Variants in GOLGB1 observed in about 807,000 individuals in gnomAD.
GOLGB1 encodes golgin B1.
GOLGB1 carries 174 observed loss-of-function variants against 336.9 expected under a neutral mutation model. The observed-to-expected ratio is 0.52, with a 90% confidence interval of 0.46 to 0.59. The LOEUF (loss-of-function observed/expected upper bound fraction) is 0.59, where lower values mean the gene tolerates loss of function less well. Among genes scored for constraint, GOLGB1 ranks in the 20% least tolerant of loss-of-function variants. The pLI is 0.00. For synonymous variants in GOLGB1, 1,208 were observed against 1,289.2 expected (o/e 0.94, Z 1.35); for missense variants, 3,331 against 3,645.3 (o/e 0.91, Z 2.22).
In GOLGB1 at chr3:121,694,548, C is replaced by T. The variant is rs111753163; in HGVS notation, c.5975G>A (p.Arg1992Gln). 8.2e-4 allele frequency: 1,326 copies of T among 1,612,562 alleles called. 5 individuals carry two copies. In the African/African-American group the frequency reaches 0.011, roughly 14 times the overall value. Residue 1992 changes from arginine (R) to glutamine (Q), a missense_variant, in exon 13 of 22, where the codon CGA becomes CAA. Transcript: ENST00000614479. ...TTGTATTTTCTCCAAATATTCCTTTCGTATTTCTGATTCCACCTTAGTTTT... is the reference window on the plus strand; with the variant it reads ...TTGTATTTTCTCCAAATATTCCTTTTGTATTTCTGATTCCACCTTAGTTTT... ...KEKTKVESEIRKEYLEKIQGA... is the reference protein window; with the variant it reads ...KEKTKVESEIQKEYLEKIQGA...
rs763994823 is a variant in GOLGB1, at chr3:121,699,928, G to A, written c.1520-43C>T. 16 of 1,169,316 alleles carry A rather than the reference G, an allele frequency of 1.4e-5. No homozygotes were observed. In the Admixed American group the frequency reaches 2.7e-4, roughly 20 times the overall value. 72.4% of individuals were successfully genotyped at this position (1,169,316 alleles called of 1,614,324 possible). ...AATATCTTTAGAAGATATATGTGGA[G>A]TGTGTGAAAAAACAGGATTGCATGT... On this transcript the variant is annotated intron_variant, in intron 11 of 21. Transcript: ENST00000614479.
In GOLGB1 at chr3:121,691,912, G is replaced by C. The variant is rs752900416; in HGVS notation, c.7452C>G (p.Asp2484Glu). The C allele has an allele frequency of 1.9e-6, 3 of 1,614,024 alleles. No individual in the cohort carries two copies. Among genetic ancestry groups the C allele is most frequent in the South Asian group, 1.1e-5 (1 of 91,078 alleles). Residue 2484 changes from aspartate to glutamate, a missense_variant, in exon 14 of 22, where the codon GAC becomes GAG. Asp to Glu is a conservative substitution (Grantham distance 45, BLOSUM62 2). Coordinates refer to ENST00000614479, the MANE Select transcript of GOLGB1 (RefSeq NM_001366282.2). ...GATGTCGCTCTTCCAGCTGTTGATA[G>C]TCACCCACTATGCGGTCTCGATCAT... is the stretch of plus-strand genomic sequence containing the variant. ...LQNDRDRIVG[D>E]YQQLEERHLS...
chr3:121,723,840 A>C (rs1198995515), intron 5 of GOLGB1, among the ~76,000 whole-genome samples: 1 of 152,162 alleles, frequency 6.6e-6, no homozygotes, highest in Non-Finnish European at 1.5e-5. Context: ...CCTCCTTCCA[A>C]ATAGAGGTTT....
chr3:121,691,851 C>T lies in GOLGB1; in HGVS notation c.7513G>A (p.Glu2505Lys), dbSNP rs746165580. The change falls in exon 14 of 22, where the codon GAG becomes AAG. Residue 2505 changes from glutamate (E) to lysine (K), a missense_variant. Coordinates refer to ENST00000614479, the MANE Select transcript of GOLGB1 (RefSeq NM_001366282.2). ...IILEKDQLIQ[E>K]AAAENNKLKE... ...AGCTTATTATTCTCTGCAGCAGCCTCTTGGATGAGTTGGTCTTTTTCCAAG... is the reference window on the plus strand; with the variant it reads ...AGCTTATTATTCTCTGCAGCAGCCTTTTGGATGAGTTGGTCTTTTTCCAAG... 3.7e-6 allele frequency: 6 copies of T among 1,613,392 alleles called. No homozygotes were observed. The East Asian group carries it at 1.3e-4, about 36-fold the overall frequency.
At chr3:121,680,191 C>T (rs943644798) in intron 15 of GOLGB1, among the ~76,000 whole-genome samples, 4 of 152,182 alleles carry the variant, frequency 2.6e-5, no homozygotes, top group African/African-American at 7.2e-5. Flanking sequence ...GTTCACCATC[C>T]ACCTAGTGTC....
intron 1 of GOLGB1, among the ~76,000 whole-genome samples, chr3:121,736,804 T>C (rs1946500013): frequency 1.3e-5 from 2 of 152,064 alleles, no homozygotes; most frequent in African/African-American, 4.8e-5. Context: ...TTGGGTAGTC[T>C]GAGATGGGAG....
Position 121,712,194 on chromosome 3 carries a change from G to C in GOLGB1, c.1404+2667C>G, listed in dbSNP as rs928975676. Among the ~76,000 whole-genome samples, 7 of 152,198 alleles carry C rather than the reference G, an allele frequency of 4.6e-5. No individual in the cohort carries two copies. In the East Asian group the frequency reaches 1.2e-3, roughly 25 times the overall value. On this transcript the variant is annotated intron_variant, in intron 10 of 21. Coordinates refer to ENST00000614479, the MANE Select transcript of GOLGB1 (RefSeq NM_001366282.2). ...TTGATTTGCAACAAAGGTACCAAAA[G>C]AATCCAATGAGGAAAGTAAAGTCTC...
At chr3:121,700,184 T>C (rs1235140619) in intron 11 of GOLGB1, among the ~76,000 whole-genome samples, 1 of 152,098 alleles carries the variant, frequency 6.6e-6, no homozygotes, top group Non-Finnish European at 1.5e-5. Context: ...TGTGGCATAA[T>C]CTGGAACTTC....
intron 11 of GOLGB1, among the ~76,000 whole-genome samples, chr3:121,701,267 T>C (rs1176257680): frequency 6.6e-6 from 1 of 152,140 alleles, no homozygotes; most frequent in African/African-American, 2.4e-5. Context: ...TGAAGCCACA[T>C]GGATAGGATA....
chr3:121,674,825 C>CTTT (rs891603400), intron 17 of GOLGB1, among the ~76,000 whole-genome samples: 80 of 121,008 alleles, frequency 6.6e-4, no homozygotes, highest in East Asian at 1.7e-3. Context: ...AGGTGCCTTT[C>CTTT]TTTTTTTTTT....
At chr3:121,675,772 T>C (rs1940293860) in intron 17 of GOLGB1, among the ~76,000 whole-genome samples, 1 of 152,238 alleles carries the variant, frequency 6.6e-6, no homozygotes, top group Non-Finnish European at 1.5e-5. Flanking sequence ...AAAATTTTTT[T>C]TAGTTGTTGC....
At position 121,697,728 on chromosome 3, in the gene GOLGB1, T is replaced by G. The variant is rs539109657; in HGVS notation, c.2795A>C (p.Glu932Ala). The change falls in exon 13 of 22, where the codon GAA (glutamate) becomes GCA (alanine). Residue 932 changes from glutamate (E) to alanine (A), a missense_variant. Physicochemically the swap from Glu to Ala is moderately radical, Grantham distance 107. Coordinates refer to ENST00000614479, the MANE Select transcript of GOLGB1 (RefSeq NM_001366282.2). ...LNEEKFSLGV[E>A]IKTLKEQLNL... ...TAGCTGTTCTTTAAGAGTCTTAATT[T>G]CAACCCCAAGAGAAAACTTCTCTTC... 115 of 1,614,048 alleles carry G rather than the reference T, an allele frequency of 7.1e-5. 1 individual carries two copies. The South Asian group carries it at 1.2e-3, about 17-fold the overall frequency.
Position 121,697,136 on chromosome 3 carries a change from C to T in GOLGB1, c.3387G>A (p.Lys1129=). 6.2e-7 allele frequency: 1 copy of T among 1,614,100 alleles called. No individual in the cohort carries two copies. Among genetic ancestry groups the T allele is most frequent in the Non-Finnish European group, 8.5e-7 (1 of 1,179,982 alleles). Residue 1129 remains lysine (K), a synonymous_variant, in exon 13 of 22, where the codon AAG becomes AAA. Transcript: ENST00000614479. ...EISENQAIIQ[K]LITSNTDASD... ...TTGCATCCGTGTTACTTGTGATTAACTTCTGGATAATTGCTTGGTTTTCAC... is the reference window on the plus strand; with the variant it reads ...TTGCATCCGTGTTACTTGTGATTAATTTCTGGATAATTGCTTGGTTTTCAC...
Position 121,695,594 on chromosome 3 carries a change from A to T in GOLGB1, c.4929T>A (p.Ala1643=). 1 of 1,613,910 alleles carries T rather than the reference A, an allele frequency of 6.2e-7. No individual in the cohort carries two copies. Among genetic ancestry groups the T allele is most frequent in the Non-Finnish European group, 8.5e-7 (1 of 1,179,986 alleles). Residue 1643 remains alanine (A), a synonymous_variant, in exon 13 of 22, where the codon GCT becomes GCA. Transcript: ENST00000614479. The stretch of plus-strand genomic sequence containing the variant: ...ACAGTTCTTGTTTCTCTTGCCTCAC[A>T]GCTTCCACCACATGCTGAATCCTTT... The part of the protein sequence containing the change: ...EAERIQHVVE[A]VRQEKQELYG...
intron 7 of GOLGB1, 22 bp from the exon 8 acceptor site, chr3:121,718,523 C>G: frequency 2.1e-6 from 3 of 1,417,576 alleles, no homozygotes; most frequent in Non-Finnish European, 1.0e-6. Context: ...ACATTTTAGA[C>G]ATAATATGCT....
At chr3:121,719,833 A>C in intron 6 of GOLGB1, 65 bp from the exon 7 acceptor site, 2 of 1,405,668 alleles carry the variant, frequency 1.4e-6, no homozygotes, top group Non-Finnish European at 1.9e-6. Context: ...AATAAAACTC[A>C]CAGACTACTT....
chr3:121,715,682 T>A (rs866782738), intron 9 of GOLGB1, among the ~76,000 whole-genome samples: 13 of 152,162 alleles, frequency 8.5e-5, no homozygotes, highest in Admixed American at 2.6e-4. Flanking sequence ...AACACCCTGG[T>A]CTTGTGTGAT....
At chr3:121,722,102 C>T (rs1450420859) in intron 6 of GOLGB1, among the ~76,000 whole-genome samples, 160 bp downstream of exon 6, 1 of 152,188 alleles carries the variant, frequency 6.6e-6, no homozygotes, top group Non-Finnish European at 1.5e-5. Flanking sequence ...CACACATCTC[C>T]TAATCTCTTC....
rs747037701 is a variant in GOLGB1, at chr3:121,696,493, C to T, written c.4030G>A (p.Val1344Ile). 8 of 1,614,096 alleles carry T rather than the reference C, an allele frequency of 5.0e-6. No individual in the cohort carries two copies. Among genetic ancestry groups the T allele is most frequent in the Non-Finnish European group, 6.8e-6 (8 of 1,179,978 alleles). ...TSELTKKSEEVFQLQEQINKQ... is the reference protein window; with the variant it reads ...TSELTKKSEEIFQLQEQINKQ... Reference sequence around the variant, plus strand: ...TTTATCTGCTCTTGTAACTGAAATACCTCTTCTGATTTTTTAGTAAGCTCA... The same window carrying T: ...TTTATCTGCTCTTGTAACTGAAATATCTCTTCTGATTTTTTAGTAAGCTCA... Residue 1344 changes from valine to isoleucine, a missense_variant, in exon 13 of 22, where the codon GTA (valine) becomes ATA (isoleucine). By Grantham distance (29) the Val-to-Ile change is conservative. Transcript: ENST00000614479.
Sources: allele counts gnomAD v4.1 joint callset (sites outside exome capture counted in the v4.1 genomes callset), GRCh38; gene constraint gnomAD v4.1.1; transcripts MANE v1.5; gene names NCBI Gene and HGNC (gene_info 2026-07-23, HGNC 2026-07-21).